NR3C2: variants seen among roughly 807,000 people sequenced by gnomAD.
The protein encoded by NR3C2 is mineralocorticoid receptor.
A neutral mutation model predicts 86.4 loss-of-function variants in NR3C2; 15 were observed. The observed-to-expected ratio is 0.17, with a 90% CI of 0.12 to 0.27. NR3C2 has a LOEUF of 0.27. Among genes scored for constraint, NR3C2 ranks in the 10% least tolerant of loss-of-function variants. NR3C2 has a pLI of 1.00. For missense variants in NR3C2, 960 were observed against 1,195.6 expected, an observed-to-expected ratio of 0.80 and a Z score of 2.91; for synonymous variants, 458 against 450.5, an observed-to-expected ratio of 1.02 and a Z score of -0.21.
intron 4 of NR3C2, among the ~76,000 whole-genome samples, chr4:148,184,921 C>T (rs1735821619): frequency 6.6e-6 from 1 of 152,198 alleles, no homozygotes; most frequent in South Asian, 2.1e-4. Context: ...ACTGCCTGGG[C>T]AAGCCACTTA....
chr4:148,405,297 A>G (rs1748363351), intron 2 of NR3C2, among the ~76,000 whole-genome samples: 1 of 152,204 alleles, frequency 6.6e-6, no homozygotes, highest in Admixed American at 6.5e-5. Context: ...ATATCTTGCA[A>G]ATATTTTGCC....
intron 8 of NR3C2, among the ~76,000 whole-genome samples, chr4:148,102,207 T>C (rs1731569201): frequency 6.6e-6 from 1 of 152,158 alleles, no homozygotes; most frequent in Non-Finnish European, 1.5e-5. Context: ...TTGACCACAG[T>C]GTTTCCTCTG....
intron 2 of NR3C2, among the ~76,000 whole-genome samples, chr4:148,353,763 T>G (rs1365987713): frequency 6.6e-6 from 1 of 152,178 alleles, no homozygotes; most frequent in Non-Finnish European, 1.5e-5. Flanking sequence ...TGAGTCATAT[T>G]AGAGGATCTA....
intron 2 of NR3C2, among the ~76,000 whole-genome samples, chr4:148,384,380 A>C (rs1747159217): frequency 6.6e-6 from 1 of 152,152 alleles, no homozygotes. Flanking sequence ...TGTCCAGAAG[A>C]GAGTATCATG....
At chr4:148,280,533 T>TTATTGCCCAGGC (rs1741181254) in intron 2 of NR3C2, among the ~76,000 whole-genome samples, 1 of 152,124 alleles carries the variant, frequency 6.6e-6, no homozygotes, top group Admixed American at 6.6e-5. Context: ...AGATCTTACA[T>TTATTGCCCAGGC]TATTGCCCAG....
At position 148,379,849 on chromosome 4, in the gene NR3C2, G is replaced by A. The variant is rs149236407; in HGVS notation, c.1757+55255C>T. Among the ~76,000 whole-genome samples the A allele has an allele frequency of 7.5e-5, 11 of 147,078 alleles. 1 individual carries two copies. The highest frequency in any genetic ancestry group is 3.0e-4 in the African/African-American group (11 of 36,734). ...TTCCTCACAGATGCTCACTTATTAA[G>A]TCCATATTTCAGTTTCAATACACTT... On this transcript the variant is annotated intron_variant, in intron 2 of 8. Transcript: ENST00000358102.
chr4:148,235,565 G>A (rs1416540731), intron 3 of NR3C2, among the ~76,000 whole-genome samples: 2 of 152,106 alleles, frequency 1.3e-5, no homozygotes, highest in Admixed American at 6.5e-5. Context: ...ATTCTGAAAT[G>A]TGATTGTATT....
chr4:148,299,150 C>T (rs1561026744), intron 2 of NR3C2, among the ~76,000 whole-genome samples: 3 of 152,152 alleles, frequency 2.0e-5, no homozygotes, highest in African/African-American at 7.2e-5. Context: ...CCTCACCTTT[C>T]AATGTGTCCA....
chr4:148,124,357 A>T (rs1197945782), intron 6 of NR3C2, among the ~76,000 whole-genome samples: 1 of 152,180 alleles, frequency 6.6e-6, no homozygotes, highest in Non-Finnish European at 1.5e-5. Flanking sequence ...AAAGCTATGG[A>T]TTTCTAGCTT....
At chr4:148,363,405 ATATATT>A (rs1745940248) in intron 2 of NR3C2, among the ~76,000 whole-genome samples, 1 of 151,856 alleles carries the variant, frequency 6.6e-6, no homozygotes, top group Non-Finnish European at 1.5e-5. Flanking sequence ...AGACTTCAAA[ATATATT>A]TATGTATCAA....
intron 4 of NR3C2, among the ~76,000 whole-genome samples, chr4:148,183,109 A>T (rs953772363): frequency 6.6e-6 from 1 of 152,108 alleles, no homozygotes; most frequent in African/African-American, 2.4e-5. Context: ...GCTGAGAATG[A>T]TGGTTTCCAG....
At chr4:148,148,677 G>A (rs1733976633) in intron 6 of NR3C2, among the ~76,000 whole-genome samples, 1 of 152,088 alleles carries the variant, frequency 6.6e-6, no homozygotes, top group Admixed American at 6.6e-5. Context: ...TTCACCTGGG[G>A]AACACCAGTT....
At chr4:148,339,902 C>T (rs1744670610) in intron 2 of NR3C2, among the ~76,000 whole-genome samples, 1 of 151,696 alleles carries the variant, frequency 6.6e-6, no homozygotes, top group African/African-American at 2.4e-5. Context: ...TTATATAAGC[C>T]AACAGTGAAC....
intron 2 of NR3C2, among the ~76,000 whole-genome samples, chr4:148,356,899 C>CTCTGTG (rs372936639): frequency 1.3e-5 from 2 of 148,968 alleles, no homozygotes; most frequent in Non-Finnish European, 3.0e-5. Flanking sequence ...CTAAGCACGA[C>CTCTGTG]TGTGTGTGTG....
At chr4:148,181,182 G>A (rs998716482) in intron 4 of NR3C2, among the ~76,000 whole-genome samples, 1 of 152,202 alleles carries the variant, frequency 6.6e-6, no homozygotes, top group African/African-American at 2.4e-5. Flanking sequence ...GAAATATGCT[G>A]TGGCTTGTAA....
chr4:148,436,819 A>G lies in NR3C2; in HGVS notation c.42T>C (p.Asp14=), dbSNP rs1750105556. ...AAACTTGACCCCACCGTCTTTCCATATCTAGACCTTCAGGGAGACTGTGGT... is the reference window on the plus strand; with the variant it reads ...AAACTTGACCCCACCGTCTTTCCATGTCTAGACCTTCAGGGAGACTGTGGT... The part of the protein sequence containing the change: ...KGYHSLPEGL[D]MERRWGQVSQ... Residue 14 remains aspartate (D), a synonymous_variant, in exon 2 of 9, where the codon GAT becomes GAC. Coordinates refer to ENST00000358102, the MANE Select transcript of NR3C2 (RefSeq NM_000901.5). 1 of 1,612,494 alleles carries G rather than the reference A, an allele frequency of 6.2e-7. No homozygotes were observed. Among genetic ancestry groups the G allele is most frequent in the Non-Finnish European group, 8.5e-7 (1 of 1,180,000 alleles).
At chr4:148,134,140 T>C (rs1560938565) in intron 6 of NR3C2, among the ~76,000 whole-genome samples, 1 of 152,202 alleles carries the variant, frequency 6.6e-6, no homozygotes, top group East Asian at 1.9e-4. Flanking sequence ...CCAACTCAAT[T>C]AATTTATTAG....
intron 2 of NR3C2, among the ~76,000 whole-genome samples, chr4:148,362,153 T>C (rs1745870557): frequency 6.6e-6 from 1 of 152,204 alleles, no homozygotes. Context: ...AAATTTAATA[T>C]ACAGATTTCC....
In NR3C2 at chr4:148,316,932, G is replaced by C. The variant is rs539734832; in HGVS notation, c.1758-56815C>G. Among the ~76,000 whole-genome samples, 4 of 152,180 alleles carry C rather than the reference G, an allele frequency of 2.6e-5. No homozygotes were observed. The East Asian group carries it at 7.7e-4, about 29-fold the overall frequency. On this transcript the variant is annotated intron_variant, in intron 2 of 8. Coordinates refer to ENST00000358102, the MANE Select transcript of NR3C2 (RefSeq NM_000901.5). ...TCCTCCTGCCTAGGCCTCCTGAGTA[G>C]CTGGGATGACAGGCGCACACCACCA...
Sources: allele counts gnomAD v4.1 joint callset (sites outside exome capture counted in the v4.1 genomes callset), GRCh38; gene constraint gnomAD v4.1.1; transcripts MANE v1.5; gene names NCBI Gene and HGNC (gene_info 2026-07-23, HGNC 2026-07-21).